Variants in ADH5 observed in about 807,000 individuals in gnomAD.
ADH5 encodes the protein alcohol dehydrogenase class-3.
A neutral mutation model predicts 40.3 loss-of-function variants in ADH5; 32 were observed. The ratio of observed to expected loss-of-function variants is 0.79; its 90% CI spans 0.60 to 1.07. The LOEUF (loss-of-function observed/expected upper bound fraction) is 1.07, where lower values mean the gene tolerates loss of function less well. ADH5 is among the 50% of genes least tolerant of loss of function. The pLI, the probability that ADH5 is intolerant of heterozygous loss-of-function variation, is 0.00. For missense variants in ADH5, 353 were observed against 460.5 expected, an observed-to-expected ratio of 0.77 and a Z score of 2.14; for synonymous variants, 125 against 154.3, an observed-to-expected ratio of 0.81 and a Z score of 1.41.
At chr4:99,085,259 A>G in intron 1 of ADH5, 43 bp from the exon 2 acceptor site, 1 of 972,506 alleles carries the variant, frequency 1.0e-6, no homozygotes, top group Non-Finnish European at 1.5e-6. Flanking sequence ...ATCCTCCTAA[A>G]CAAGTAACTA....
intron 7 of ADH5, 139 bp downstream of exon 7, chr4:99,074,775 C>G (rs1212493822): frequency 1.4e-5 from 15 of 1,043,306 alleles, no homozygotes; most frequent in Admixed American, 2.6e-5. Flanking sequence ...AATAAAACAG[C>G]CTTGCATGCA....
In ADH5 at chr4:99,071,423, T is replaced by C. The variant is rs1162622432; in HGVS notation, c.*994A>G. 6.6e-6 allele frequency: 1 copy of C among 152,246 alleles called. No individual in the cohort carries two copies. Among genetic ancestry groups the C allele is most frequent in the Admixed American group, 6.5e-5 (1 of 15,288 alleles). 9.4% of individuals were successfully genotyped at this position (152,246 alleles called of 1,614,324 possible). ...AATACAGAAACTGGCAACAACTTCATGCCTTCAACTGGAGAACAGATAAAT... is the reference window on the plus strand; with the variant it reads ...AATACAGAAACTGGCAACAACTTCACGCCTTCAACTGGAGAACAGATAAAT... On this transcript the variant is annotated 3_prime_UTR_variant, in exon 9 of 9. Transcript: ENST00000296412.
chr4:99,087,359 G>T (rs1019353961), intron 1 of ADH5, among the ~76,000 whole-genome samples: 1 of 126,112 alleles, frequency 7.9e-6, no homozygotes, highest in African/African-American at 2.9e-5. Flanking sequence ...TCCAGCCTGG[G>T]AAACAAAGAG....
intron 6 of ADH5, 131 bp from the exon 7 acceptor site, chr4:99,075,180 T>G: frequency 1.4e-6 from 1 of 720,856 alleles, no homozygotes; most frequent in Non-Finnish European, 2.1e-6. Context: ...TAACATTTAG[T>G]GAGCTCAATG....
At chr4:99,075,243 A>G (rs1162655146) in intron 6 of ADH5, 194 bp from the exon 7 acceptor site, 12 of 331,924 alleles carry the variant, frequency 3.6e-5, no homozygotes, top group Admixed American at 5.2e-5. Flanking sequence ...TTTTTTTGAG[A>G]TAAGAGTCTC....
chr4:99,083,675 A>G (rs1728072859), intron 2 of ADH5, among the ~76,000 whole-genome samples: 1 of 149,570 alleles, frequency 6.7e-6, no homozygotes, highest in Non-Finnish European at 1.5e-5. Context: ...GGTATTTGTG[A>G]TCTTTGGGAG....
At chr4:99,080,318 A>G in intron 4 of ADH5, 1 of 206,284 alleles carries the variant, frequency 4.8e-6, no homozygotes, top group Non-Finnish European at 9.7e-6. Context: ...ACAAATTTCC[A>G]GATTATGACA....
chr4:99,087,400 G>A (rs948165909), intron 1 of ADH5, among the ~76,000 whole-genome samples: 1 of 134,036 alleles, frequency 7.5e-6, no homozygotes, highest in Non-Finnish European at 1.6e-5. Context: ...CGGGGGAGGG[G>A]GGGGGGAGGG....
intron 4 of ADH5, chr4:99,079,913 A>T (rs1371444917): frequency 2.3e-6 from 1 of 434,416 alleles, no homozygotes; most frequent in Non-Finnish European, 4.5e-6. Flanking sequence ...TGTTATGTGA[A>T]GAGAATGGGT....
rs1156279388 is a variant in ADH5 at position 99,071,385 on chromosome 4, A to G, written c.*1032T>C. 6.6e-6 allele frequency: 1 copy of G among 152,244 alleles called. No homozygotes were observed. Among genetic ancestry groups the G allele is most frequent in the Non-Finnish European group, 1.5e-5 (1 of 68,032 alleles). The allele number at this position is 152,244 out of a possible 1,614,324, so 9.4% of individuals were successfully genotyped here. A position where few individuals can be genotyped will look rare whatever the true frequency, so the allele number is the denominator to read the frequency against. On this transcript the variant is annotated 3_prime_UTR_variant, in exon 9 of 9. Coordinates refer to ENST00000296412, the MANE Select transcript of ADH5 (RefSeq NM_000671.4). ...TGAGCCCAATGCAGAAGAATGTTCC[A>G]CTACAGTGTTATAATACAGAAACTG...
intron 1 of ADH5, among the ~76,000 whole-genome samples, chr4:99,087,360 A>AAACAAAG (rs1384185324): frequency 1.5e-5 from 2 of 133,690 alleles, no homozygotes; most frequent in African/African-American, 5.5e-5. Context: ...CCAGCCTGGG[A>AAACAAAG]AACAAAGAGC....
Position 99,076,557 on chromosome 4 carries a change from G to A in ADH5, c.565-5C>T, listed in dbSNP as rs1306487906. ...ACAAACAGAGCCAGGCTCCAACTAG[G>A]AGTAAAGAAAGTTTATAAAGTACTC... On this transcript the variant is annotated splice_region_variant and splice_polypyrimidine_tract_variant and intron_variant, in intron 5 of 8. Coordinates refer to ENST00000296412, the MANE Select transcript of ADH5 (RefSeq NM_000671.4). The A allele has an allele frequency of 6.2e-7, 1 of 1,611,562 alleles. No homozygotes were observed. Among genetic ancestry groups the A allele is most frequent in the African/African-American group, 1.3e-5 (1 of 74,800 alleles).
intron 3 of ADH5, chr4:99,081,671 G>T (rs1579364460): frequency 3.6e-6 from 2 of 561,670 alleles, no homozygotes; most frequent in East Asian, 5.7e-5. Context: ...AATAACTGAA[G>T]AACAATGAAG....
chr4:99,086,180 TAAC>T (rs900607085), intron 1 of ADH5, among the ~76,000 whole-genome samples: 7 of 152,336 alleles, frequency 4.6e-5, no homozygotes, highest in South Asian at 4.1e-4. Context: ...AGTTTATTTA[TAAC>T]AACATTATAA....
chr4:99,075,355 G>C (rs1285374442), intron 6 of ADH5: 1 of 169,272 alleles, frequency 5.9e-6, no homozygotes, highest in Non-Finnish European at 1.3e-5. Context: ...CCTAGTAGCT[G>C]GGATTACAGG....
chr4:99,085,602 G>A, intron 1 of ADH5: 1 of 368,730 alleles, frequency 2.7e-6, no homozygotes. Flanking sequence ...TTTTGCTCAG[G>A]CTGTTCTGAA....
intron 2 of ADH5, among the ~76,000 whole-genome samples, chr4:99,082,397 A>G (rs1434867808): frequency 1.3e-5 from 2 of 152,224 alleles, no homozygotes; most frequent in African/African-American, 2.4e-5. Flanking sequence ...CGTTAGCAAG[A>G]GAAGGTAAAC....
At chr4:99,074,757 T>A (rs563157349) in intron 7 of ADH5, among the ~76,000 whole-genome samples, 157 bp downstream of exon 7, 2 of 152,284 alleles carry the variant, frequency 1.3e-5, no homozygotes, top group African/African-American at 4.8e-5. Flanking sequence ...TGAGTCTGAA[T>A]CCCTTCTAAT....
At chr4:99,073,209 C>G (rs1015356841) in intron 7 of ADH5, among the ~76,000 whole-genome samples, 1 of 152,248 alleles carries the variant, frequency 6.6e-6, no homozygotes, top group Non-Finnish European at 1.5e-5. Context: ...GACGGAGTCT[C>G]GCTCTATCGC....
Sources: gnomAD v4.1 joint callset for allele counts (sites outside exome capture counted in the v4.1 genomes callset) on GRCh38, gnomAD v4.1.1 for gene constraint, MANE v1.5 for transcripts, NCBI Gene and HGNC (gene_info 2026-07-23, HGNC 2026-07-21) for gene names.